The following PSPC1 variants were observed in gnomAD, a reference collection of about 807,000 sequenced individuals.
PSPC1 encodes paraspeckle protein 1.
In PSPC1, 14 loss-of-function variants were observed where a neutral mutation model predicts 51.6. The ratio of observed to expected loss-of-function variants is 0.27; its 90% confidence interval spans 0.18 to 0.42. The LOEUF (loss-of-function observed/expected upper bound fraction) is 0.42. Ranked by LOEUF, PSPC1 falls within the 10% of genes least tolerant of loss-of-function variation. The pLI, the probability that PSPC1 is intolerant of heterozygous loss-of-function variation, is 1.00. For missense variants in PSPC1, 406 were observed against 701.1 expected (o/e 0.58, Z 4.75); for synonymous variants, 193 against 231.9 (o/e 0.83, Z 1.53).
intron 6 of PSPC1, among the ~76,000 whole-genome samples, chr13:19,691,967 G>A (rs1878615868): frequency 6.6e-6 from 1 of 152,052 alleles, no homozygotes; most frequent in Admixed American, 6.5e-5. Context: ...AACCACCTTA[G>A]AGTTTAGTGA....
rs188018603 is a variant in PSPC1, at chr13:19,736,469, G to A, written c.1052+5096C>T. Reference sequence around the variant, plus strand: ...GAGGCCGAGGCGGGCGGATCACAAGGTCAGCAGATCGAGACCATCCTGGCT... The same window carrying A: ...GAGGCCGAGGCGGGCGGATCACAAGATCAGCAGATCGAGACCATCCTGGCT... On this transcript the variant is annotated intron_variant, in intron 5 of 8. Coordinates refer to ENST00000338910, the MANE Select transcript of PSPC1 (RefSeq NM_001354909.2). Among the ~76,000 whole-genome samples the A allele has an allele frequency of 6.2e-3, 950 of 152,106 alleles. 14 individuals carry two copies. Among genetic ancestry groups the A allele is most frequent in the African/African-American group, 0.021 (859 of 41,516 alleles).
chr13:19,710,879 C>T (rs11147454), intron 6 of PSPC1, among the ~76,000 whole-genome samples: 1 of 151,854 alleles, frequency 6.6e-6, no homozygotes, highest in Non-Finnish European at 1.5e-5. Flanking sequence ...GCTCTGTTGC[C>T]CTGGCTGCAG....
chr13:19,776,332 GGT>G (rs1177018473), intron 1 of PSPC1, among the ~76,000 whole-genome samples: 1 of 151,926 alleles, frequency 6.6e-6, no homozygotes, highest in African/African-American at 2.4e-5. Context: ...TGGGTGTGGT[GGT>G]GTGTGCCTGC....
chr13:19,690,595 GTCT>G (rs1878431723), intron 6 of PSPC1, among the ~76,000 whole-genome samples: 1 of 152,064 alleles, frequency 6.6e-6, no homozygotes, highest in African/African-American at 2.4e-5. Flanking sequence ...ACGTCCTCTG[GTCT>G]TCTTACTGCT....
intron 6 of PSPC1, among the ~76,000 whole-genome samples, chr13:19,697,369 G>C (rs569413731): frequency 6.6e-6 from 1 of 152,222 alleles, no homozygotes; most frequent in African/African-American, 2.4e-5. Flanking sequence ...CCTTAATTTA[G>C]AGGACAAGTT....
chr13:19,736,619 C>G (rs1593663745), intron 5 of PSPC1, among the ~76,000 whole-genome samples: 1 of 152,036 alleles, frequency 6.6e-6, no homozygotes, highest in Non-Finnish European at 1.5e-5. Context: ...GGAGGCAGAG[C>G]TTGCAGTGAG....
chr13:19,738,972 T>C (rs1380968457), intron 5 of PSPC1, among the ~76,000 whole-genome samples: 2 of 151,992 alleles, frequency 1.3e-5, no homozygotes, highest in East Asian at 1.9e-4. Context: ...ACACAATTTT[T>C]CCCCAGATAT....
At chr13:19,733,784 A>AG (rs1178923206) in intron 5 of PSPC1, among the ~76,000 whole-genome samples, 3 of 137,766 alleles carry the variant, frequency 2.2e-5, no homozygotes, top group Non-Finnish European at 4.7e-5. Flanking sequence ...AAAAGAAAAA[A>AG]AAATATATAT....
At chr13:19,697,099 C>T (rs141678091) in intron 6 of PSPC1, among the ~76,000 whole-genome samples, 1 of 152,190 alleles carries the variant, frequency 6.6e-6, no homozygotes, top group East Asian at 1.9e-4. Context: ...ACTACAGCAA[C>T]AACAAAAATC....
intron 6 of PSPC1, among the ~76,000 whole-genome samples, chr13:19,711,826 A>C (rs1881480303): frequency 6.6e-6 from 1 of 151,500 alleles, no homozygotes; most frequent in Admixed American, 6.6e-5. Flanking sequence ...CCTGGGTAAC[A>C]AGAGCAAAAC....
intron 2 of PSPC1, among the ~76,000 whole-genome samples, chr13:19,769,194 TA>T (rs1888376406): frequency 1.3e-5 from 2 of 150,916 alleles, no homozygotes; most frequent in South Asian, 4.2e-4. Flanking sequence ...CTCACGCCTG[TA>T]ATCTCAGCAC....
At chr13:19,733,488 C>G (rs1349902787) in intron 5 of PSPC1, among the ~76,000 whole-genome samples, 1 of 152,042 alleles carries the variant, frequency 6.6e-6, no homozygotes, top group East Asian at 1.9e-4. Context: ...CGGCCATGCA[C>G]AGTGACTCAT....
intron 6 of PSPC1, among the ~76,000 whole-genome samples, chr13:19,710,526 G>A (rs756603142): frequency 6.6e-6 from 1 of 152,138 alleles, no homozygotes; most frequent in African/African-American, 2.4e-5. Flanking sequence ...CATAATTACT[G>A]TACTTTTGAA....
intron 1 of PSPC1, 57 bp from the exon 2 acceptor site, chr13:19,772,600 C>T (rs542120487): frequency 2.0e-6 from 3 of 1,507,070 alleles, no homozygotes; most frequent in Non-Finnish European, 2.7e-6. Flanking sequence ...AAATTCAAAA[C>T]AGTGTTTGGC....
chr13:19,695,723 AT>A (rs545498149), intron 6 of PSPC1, among the ~76,000 whole-genome samples: 6 of 150,806 alleles, frequency 4.0e-5, no homozygotes, highest in South Asian at 2.1e-4. Context: ...AATTTTTATC[AT>A]TTTTTTTTCT....
intron 5 of PSPC1, among the ~76,000 whole-genome samples, chr13:19,730,563 C>A (rs183242533): frequency 6.6e-6 from 1 of 151,974 alleles, no homozygotes; most frequent in East Asian, 1.9e-4. Context: ...TAAGGTAAAC[C>A]AGAAAAACAA....
At chr13:19,721,520 T>C (rs1882764454) in intron 6 of PSPC1, among the ~76,000 whole-genome samples, 1 of 152,158 alleles carries the variant, frequency 6.6e-6, no homozygotes, top group Admixed American at 6.5e-5. Flanking sequence ...TCACATCATT[T>C]TATAAACACA....
chr13:19,696,499 G>A (rs929600803), intron 6 of PSPC1, among the ~76,000 whole-genome samples: 23 of 147,444 alleles, frequency 1.6e-4, no homozygotes, highest in Admixed American at 4.2e-4. Context: ...ACACACACAC[G>A]CACACACACA....
Position 19,782,763 on chromosome 13 carries a change from T to TA in PSPC1, c.-7_-6insT. ...AGGTTTCCTCTTAACATCATCTTAC[T>TA]GAGTTCGCCTCGGACACCGGATACA... On this transcript the variant is annotated 5_prime_UTR_variant, in exon 1 of 9. Coordinates refer to ENST00000338910, the MANE Select transcript of PSPC1 (RefSeq NM_001354909.2). The surrounding 1 kb of genome is among the most constrained non-coding windows in gnomAD (Gnocchi z 4.5). 6.5e-7 allele frequency: 1 copy of TA among 1,537,240 alleles called. No individual in the cohort carries two copies. Among genetic ancestry groups the TA allele is most frequent in the South Asian group, 1.2e-5 (1 of 82,270 alleles).
Sources: allele counts gnomAD v4.1 joint callset (sites outside exome capture counted in the v4.1 genomes callset), GRCh38; gene constraint gnomAD v4.1.1; non-coding constraint Gnocchi (gnomAD v3.1); transcripts MANE v1.5; gene names NCBI Gene and HGNC (gene_info 2026-07-23, HGNC 2026-07-21).